FAT4: variants seen among roughly 807,000 people sequenced by gnomAD.
FAT4 encodes FAT atypical cadherin 4.
FAT4 carries 84 observed loss-of-function variants against 303.9 expected under a neutral mutation model. That is an observed-to-expected ratio of 0.28 (90% CI 0.23 to 0.33). The LOEUF is 0.33. FAT4 is among the 10% of genes least tolerant of loss of function. The pLI is 1.00. For missense variants in FAT4, 6,005 were observed against 6,146.8 expected (o/e 0.98, Z 0.77); for synonymous variants, 2,307 against 2,298.8 (o/e 1.00, Z -0.10).
Position 125,451,355 on chromosome 4 carries a change from G to C in FAT4, c.10345G>C (p.Gly3449Arg). 6.2e-7 allele frequency: 1 copy of C among 1,614,104 alleles called. No homozygotes were observed. Among genetic ancestry groups the C allele is most frequent in the African/African-American group, 1.3e-5 (1 of 75,020 alleles). Reference sequence around the variant, plus strand: ...CAGGTTTTCTTACTTCATCGGATCAGGGAATGAAAATGGTGCCTTTTCTAT... The same window carrying C: ...CAGGTTTTCTTACTTCATCGGATCACGGAATGAAAATGGTGCCTTTTCTAT... ...WSRFSYFIGS[G>R]NENGAFSINP... is the part of the protein sequence containing the mutation. The change falls in exon 10 of 18, where the codon GGG (glycine) becomes CGG (arginine). Residue 3449 changes from glycine (G) to arginine (R), a missense_variant. Transcript: ENST00000394329.
At chr4:125,345,117 T>G (rs1578543050) in intron 2 of FAT4, among the ~76,000 whole-genome samples, 1 of 152,220 alleles carries the variant, frequency 6.6e-6, no homozygotes, top group East Asian at 1.9e-4. Flanking sequence ...CCACAGTAGC[T>G]GCTGCTTCCA....
chr4:125,472,449 C>T (rs1218241765), intron 12 of FAT4, among the ~76,000 whole-genome samples: 1 of 151,858 alleles, frequency 6.6e-6, no homozygotes, highest in Non-Finnish European at 1.5e-5. Flanking sequence ...AGTTTTTTTC[C>T]CTATGACACG....
chr4:125,370,515 C>T (rs6830268), intron 2 of FAT4, among the ~76,000 whole-genome samples: 13 of 152,248 alleles, frequency 8.5e-5, no homozygotes, highest in Admixed American at 2.6e-4. Context: ...GAAGCACATA[C>T]ATATTCAGCC....
At position 125,472,148 on chromosome 4, in the gene FAT4, A is replaced by G. The variant is rs191620545; in HGVS notation, c.12213+3329A>G. Among the ~76,000 whole-genome samples, 22 of 151,652 alleles carry G rather than the reference A, an allele frequency of 1.5e-4. No individual in the cohort carries two copies. The East Asian group carries it at 4.3e-3, about 30-fold the overall frequency. ...AGATAAAGGAATTGTGTAAAATGTT[A>G]AATTGTCTGTTAAAAAGAAAGCCTA... On this transcript the variant is annotated intron_variant, in intron 12 of 17. Coordinates refer to ENST00000394329, the MANE Select transcript of FAT4 (RefSeq NM_001291303.3).
rs556827656 is a variant in FAT4 at position 125,315,426 on chromosome 4, T to C, written c.-564T>C. ...GGCGAGGCGCGCTAGAGTGGGCTTC[T>C]GACTGGGGCCGCCGGAGAACGACCC... is the stretch of plus-strand genomic sequence containing the variant. On this transcript the variant is annotated 5_prime_UTR_variant, in exon 1 of 18. Transcript: ENST00000394329. Among the ~76,000 whole-genome samples the C allele has an allele frequency of 2.0e-5, 3 of 152,234 alleles. No individual in the cohort carries two copies. Among genetic ancestry groups the C allele is most frequent in the South Asian group, 4.1e-4 (2 of 4,820 alleles).
At chr4:125,420,057 C>A (rs543919810) in intron 7 of FAT4, among the ~76,000 whole-genome samples, 7 of 152,260 alleles carry the variant, frequency 4.6e-5, no homozygotes, top group Non-Finnish European at 8.8e-5. Context: ...ATGTCATGGT[C>A]ATTTTGTCAT....
chr4:125,356,112 G>A (rs1732413338), intron 2 of FAT4, among the ~76,000 whole-genome samples: 2 of 152,122 alleles, frequency 1.3e-5, no homozygotes, highest in Admixed American at 6.6e-5. Context: ...GAGGAAAGAA[G>A]CAGCTGTGAC....
chr4:125,362,375 A>G (rs944399268), intron 2 of FAT4, among the ~76,000 whole-genome samples: 4 of 152,160 alleles, frequency 2.6e-5, no homozygotes, highest in East Asian at 1.9e-4. Context: ...GACATCAGGT[A>G]TACATTGAAA....
chr4:125,468,502 C>A lies in FAT4; in HGVS notation c.11906-10C>A. On this transcript the variant is annotated splice_polypyrimidine_tract_variant and intron_variant, in intron 11 of 17. Transcript: ENST00000394329. ...ATTTTATGCCAGTTTGTCAATTTTCCCTCCAACAGGTGTCTTTGGAAAACA... is the reference window on the plus strand; with the variant it reads ...ATTTTATGCCAGTTTGTCAATTTTCACTCCAACAGGTGTCTTTGGAAAACA... The A allele has an allele frequency of 2.1e-6, 3 of 1,404,130 alleles. No individual in the cohort carries two copies. The highest frequency in any genetic ancestry group is 2.5e-5 in the East Asian group (1 of 39,524). 87.0% of individuals were successfully genotyped at this position (1,404,130 alleles called of 1,614,324 possible).
intron 7 of FAT4, among the ~76,000 whole-genome samples, chr4:125,419,753 G>T (rs1326577301): frequency 6.6e-6 from 1 of 152,082 alleles, no homozygotes; most frequent in Non-Finnish European, 1.5e-5. Flanking sequence ...CTCACCCTTT[G>T]TCTCCTGTCA....
chr4:125,462,158 A>G (rs553875976), intron 10 of FAT4, among the ~76,000 whole-genome samples: 19 of 152,094 alleles, frequency 1.2e-4, no homozygotes, highest in African/African-American at 3.6e-4. Flanking sequence ...AGTTAGCATC[A>G]TGAGATCTGA....
In FAT4 at chr4:125,476,171, G is replaced by A; in HGVS notation, c.12214G>A (p.Ala4072Thr). The change falls in exon 13 of 18, where the codon GCA (alanine) becomes ACA (threonine). Residue 4072 changes from alanine (A) to threonine (T), a missense_variant and splice_region_variant. Ala to Thr is a moderately conservative substitution (Grantham distance 58). Coordinates refer to ENST00000394329, the MANE Select transcript of FAT4 (RefSeq NM_001291303.3). ...HTVIARRAGMAASLTVDSCSE... is the reference protein window; with the variant it reads ...HTVIARRAGMTASLTVDSCSE... Reference sequence around the variant, plus strand: ...AATGTTTCTTTCTCTTGCTTCGTAGGCAGCCTCCTTAACTGTGGACTCCTG... The same window carrying A: ...AATGTTTCTTTCTCTTGCTTCGTAGACAGCCTCCTTAACTGTGGACTCCTG... 1 of 1,582,964 alleles carries A rather than the reference G, an allele frequency of 6.3e-7. No individual in the cohort carries two copies. The highest frequency in any genetic ancestry group is 8.6e-7 in the Non-Finnish European group (1 of 1,157,960).
chr4:125,462,486 T>C (rs1252601000), intron 10 of FAT4, among the ~76,000 whole-genome samples: 1 of 151,978 alleles, frequency 6.6e-6, no homozygotes, highest in Non-Finnish European at 1.5e-5. Flanking sequence ...ATTATGAAAT[T>C]TGAAAATTAG....
At chr4:125,345,140 A>C (rs1281625085) in intron 2 of FAT4, among the ~76,000 whole-genome samples, 2 of 152,118 alleles carry the variant, frequency 1.3e-5, no homozygotes, top group African/African-American at 4.8e-5. Flanking sequence ...TACACATTGT[A>C]GATGGTCAAC....
At chr4:125,411,919 A>T (rs1734863278) in intron 5 of FAT4, among the ~76,000 whole-genome samples, 1 of 151,392 alleles carries the variant, frequency 6.6e-6, no homozygotes, top group African/African-American at 2.4e-5. Flanking sequence ...TGCCAGGAAG[A>T]GTCATGTAAC....
chr4:125,461,255 C>T (rs1195475534), intron 10 of FAT4, among the ~76,000 whole-genome samples: 1 of 151,816 alleles, frequency 6.6e-6, no homozygotes, highest in Non-Finnish European at 1.5e-5. Flanking sequence ...TAATTATACA[C>T]AAAAAGAACA....
At chr4:125,402,363 T>C (rs1734420202) in intron 3 of FAT4, among the ~76,000 whole-genome samples, 1 of 151,996 alleles carries the variant, frequency 6.6e-6, no homozygotes, top group Non-Finnish European at 1.5e-5. Flanking sequence ...ACTAAAATAA[T>C]GGAATTCCTA....
chr4:125,450,810 A>T lies in FAT4; in HGVS notation c.9800A>T (p.His3267Leu). The change falls in exon 10 of 18, where the codon CAT (histidine) becomes CTT (leucine). Residue 3267 changes from histidine (H) to leucine (L), a missense_variant. Transcript: ENST00000394329. ...FLDFETKQSY[H>L]LTVKAFNVPD... ...GATTTTGAAACCAAGCAGAGCTACC[A>T]TCTTACTGTGAAAGCCTTCAATGTC... 2 of 1,614,132 alleles carry T rather than the reference A, an allele frequency of 1.2e-6. No homozygotes were observed. The highest frequency in any genetic ancestry group is 1.7e-6 in the Non-Finnish European group (2 of 1,180,008).
At position 125,318,431 on chromosome 4, in the gene FAT4, C is replaced by T. The variant is rs747099300; in HGVS notation, c.2020C>T (p.Arg674Cys). 6.8e-6 allele frequency: 11 copies of T among 1,614,002 alleles called. No homozygotes were observed. Among genetic ancestry groups the T allele is most frequent in the African/African-American group, 1.3e-5 (1 of 74,910 alleles). Residue 674 changes from arginine (R) to cysteine (C), a missense_variant, in exon 2 of 18, where the codon CGC becomes TGC. Arg to Cys is a radical substitution (Grantham distance 180). Coordinates refer to ENST00000394329, the MANE Select transcript of FAT4 (RefSeq NM_001291303.3). ...LGSPPQSSMARINVSLLDIND... is the reference protein window; with the variant it reads ...LGSPPQSSMACINVSLLDIND... ...CTCCCCTCCCCAGTCATCAATGGCT[C>T]GCATAAATGTGAGTCTTCTGGATAT...
Sources: gnomAD v4.1 joint callset for allele counts (sites outside exome capture counted in the v4.1 genomes callset) on GRCh38, gnomAD v4.1.1 for gene constraint, MANE v1.5 for transcripts, NCBI Gene and HGNC (gene_info 2026-07-23, HGNC 2026-07-21) for gene names.